Variants in R3HCC1L observed in about 807,000 individuals in gnomAD.
R3HCC1L encodes R3H domain and coiled-coil containing 1 like, also known as coiled-coil domain-containing protein R3HCC1L.
A neutral mutation model predicts 59.9 loss-of-function variants in R3HCC1L; 51 were observed. The ratio of observed to expected loss-of-function variants is 0.85; its 90% confidence interval spans 0.68 to 1.07. The LOEUF is 1.07. Among genes scored for constraint, R3HCC1L ranks in the 50% least tolerant of loss-of-function variants. R3HCC1L has a pLI of 0.00. For missense variants in R3HCC1L, 965 were observed against 933.0 expected, an observed-to-expected ratio of 1.03 and a Z score of -0.45; for synonymous variants, 322 against 315.2, an observed-to-expected ratio of 1.02 and a Z score of -0.23.
intron 4 of R3HCC1L, among the ~76,000 whole-genome samples, chr10:98,185,473 G>T (rs2134688915): frequency 6.6e-6 from 1 of 152,300 alleles, no homozygotes; most frequent in South Asian, 2.1e-4. Flanking sequence ...AAAGAACTGT[G>T]ATGCAGACCT....
chr10:98,153,904 C>T (rs954179170), intron 1 of R3HCC1L, among the ~76,000 whole-genome samples: 4 of 151,840 alleles, frequency 2.6e-5, no homozygotes, highest in Admixed American at 2.6e-4. Flanking sequence ...CTATTATTTT[C>T]CAAAGACACT....
intron 5 of R3HCC1L, among the ~76,000 whole-genome samples, chr10:98,221,188 T>C (rs1197258726): frequency 5.3e-5 from 8 of 151,746 alleles, no homozygotes; most frequent in East Asian, 1.9e-4. Flanking sequence ...TTTTGAGAAG[T>C]GTCTGTTCAT....
chr10:98,236,772 TG>T (rs1458965129), intron 9 of R3HCC1L, among the ~76,000 whole-genome samples: 3 of 152,174 alleles, frequency 2.0e-5, no homozygotes, highest in Non-Finnish European at 4.4e-5. Flanking sequence ...TCTTATAGTT[TG>T]GAGCTGAAGT....
chr10:98,239,144 T>A (rs566038347), intron 9 of R3HCC1L, among the ~76,000 whole-genome samples: 216 of 152,320 alleles, frequency 1.4e-3, no homozygotes, highest in African/African-American at 5.1e-3. Flanking sequence ...GAGCACAGAA[T>A]AAGTTAACAT....
chr10:98,144,718 C>G (rs542831674), intron 1 of R3HCC1L, among the ~76,000 whole-genome samples: 1 of 152,300 alleles, frequency 6.6e-6, no homozygotes, highest in Non-Finnish European at 1.5e-5. Context: ...ATTATTCATA[C>G]GCAAAAGAAG....
intron 5 of R3HCC1L, among the ~76,000 whole-genome samples, chr10:98,225,970 C>G (rs1025859054): frequency 1.3e-5 from 2 of 152,076 alleles, no homozygotes; most frequent in Non-Finnish European, 2.9e-5. Flanking sequence ...CACTCCCACC[C>G]TGAGTAGCTG....
At position 98,208,205 on chromosome 10, in the gene R3HCC1L, C is replaced by A; in HGVS notation, c.91C>A (p.Leu31Ile). ...TAAAGCTCGTAGGGGTGCAGTACTC[C>A]TTAAGACAGGTGATGAAGAAGAAAG... The part of the protein sequence containing the change: ...VPKARRGAVL[L>I]KTGDEEESCG... Residue 31 changes from leucine to isoleucine, a missense_variant, in exon 5 of 10, where the codon CTT becomes ATT. Physicochemically the swap from Leu to Ile is conservative, Grantham distance 5 (BLOSUM62 2). Coordinates refer to ENST00000298999, the MANE Select transcript of R3HCC1L (RefSeq NM_001351015.2). 6.2e-7 allele frequency: 1 copy of A among 1,613,856 alleles called. No individual in the cohort carries two copies. Among genetic ancestry groups the A allele is most frequent in the Non-Finnish European group, 8.5e-7 (1 of 1,179,856 alleles).
intron 6 of R3HCC1L, 34 bp downstream of exon 6, chr10:98,231,721 G>A (rs750436710): frequency 1.3e-6 from 2 of 1,519,648 alleles, no homozygotes; most frequent in East Asian, 2.4e-5. Flanking sequence ...TGTTAGGGAG[G>A]GTGAGATGAA....
chr10:98,176,523 C>T (rs1412199544), intron 4 of R3HCC1L, among the ~76,000 whole-genome samples: 1 of 152,042 alleles, frequency 6.6e-6, no homozygotes, highest in Non-Finnish European at 1.5e-5. Context: ...CTTCGATTTT[C>T]AGTTTTTTTC....
intron 5 of R3HCC1L, among the ~76,000 whole-genome samples, chr10:98,228,393 A>T (rs1044103728): frequency 2.6e-5 from 4 of 152,114 alleles, no homozygotes; most frequent in Non-Finnish European, 5.9e-5. Flanking sequence ...TTTGAGAAGC[A>T]TCTGTTCATA....
chr10:98,210,310 G>A (rs1853417690), intron 5 of R3HCC1L, among the ~76,000 whole-genome samples: 1 of 152,062 alleles, frequency 6.6e-6, no homozygotes, highest in Non-Finnish European at 1.5e-5. Context: ...ACACTGTAGA[G>A]GGAAGGAAGT....
In R3HCC1L at chr10:98,203,719, G is replaced by T. The variant is rs377530591; in HGVS notation, c.-14-4382G>T. ...TGAAAATATGAAAGCCCAATTTATT[G>T]TGTGCTTGTTCAATTTCTCATGAAG... On this transcript the variant is annotated intron_variant, in intron 4 of 9. Coordinates refer to ENST00000298999, the MANE Select transcript of R3HCC1L (RefSeq NM_001351015.2). Among the ~76,000 whole-genome samples, 5 of 152,266 alleles carry T rather than the reference G, an allele frequency of 3.3e-5. No individual in the cohort carries two copies. In the South Asian group the frequency reaches 1.0e-3, roughly 32 times the overall value.
At chr10:98,156,482 C>A (rs1846895981) in intron 2 of R3HCC1L, among the ~76,000 whole-genome samples, 1 of 152,146 alleles carries the variant, frequency 6.6e-6, no homozygotes, top group Non-Finnish European at 1.5e-5. Flanking sequence ...TCTCTTCTTT[C>A]CTTTGGTTTG....
intron 1 of R3HCC1L, among the ~76,000 whole-genome samples, chr10:98,146,263 T>G (rs1845645099): frequency 6.6e-6 from 1 of 152,156 alleles, no homozygotes; most frequent in African/African-American, 2.4e-5. Context: ...TGATAATAAA[T>G]TTATATAATT....
intron 2 of R3HCC1L, among the ~76,000 whole-genome samples, chr10:98,157,230 G>A (rs1309126804): frequency 6.6e-6 from 1 of 152,030 alleles, no homozygotes; most frequent in Non-Finnish European, 1.5e-5. Context: ...CTTTGGTGTG[G>A]GTCTGTGTTT....
chr10:98,191,189 A>G (rs1458755032), intron 4 of R3HCC1L, among the ~76,000 whole-genome samples: 1 of 152,212 alleles, frequency 6.6e-6, no homozygotes, highest in African/African-American at 2.4e-5. Context: ...TCACTGGGTG[A>G]AATGGTAATT....
At chr10:98,228,043 T>C (rs952697404) in intron 5 of R3HCC1L, among the ~76,000 whole-genome samples, 3 of 152,172 alleles carry the variant, frequency 2.0e-5, no homozygotes, top group Non-Finnish European at 4.4e-5. Context: ...AACAAACATA[T>C]GTGTGCATGT....
At chr10:98,240,971 T>C (rs917872326) in intron 9 of R3HCC1L, among the ~76,000 whole-genome samples, 4 of 152,228 alleles carry the variant, frequency 2.6e-5, no homozygotes, top group Non-Finnish European at 5.9e-5. Flanking sequence ...AAATAAATAG[T>C]ACATGGTTCC....
chr10:98,194,949 A>G (rs766192838), intron 4 of R3HCC1L, among the ~76,000 whole-genome samples: 35 of 152,184 alleles, frequency 2.3e-4, no homozygotes, highest in Non-Finnish European at 4.7e-4. Context: ...CATATAAGCC[A>G]GCAGTCCCAC....
Sources: allele counts gnomAD v4.1 joint callset (sites outside exome capture counted in the v4.1 genomes callset), GRCh38; gene constraint gnomAD v4.1.1; transcripts MANE v1.5; gene names NCBI Gene and HGNC (gene_info 2026-07-23, HGNC 2026-07-21).